The following TMEM132D variants were observed in gnomAD, a reference collection of about 807,000 sequenced individuals.
TMEM132D encodes the protein mature OL transmembrane protein.
In TMEM132D, 21 loss-of-function variants were observed where a neutral mutation model predicts 62.3. The ratio of observed to expected loss-of-function variants is 0.34; its 90% CI spans 0.24 to 0.49. The LOEUF (loss-of-function observed/expected upper bound fraction) is 0.49, where lower values mean the gene tolerates loss of function less well. Among genes scored for constraint, TMEM132D ranks in the 20% least tolerant of loss-of-function variants. The probability of loss-of-function intolerance (pLI) is 0.99; values close to 1 mark genes in which losing one functional copy is unlikely to be tolerated. For missense variants in TMEM132D, 1,346 were observed against 1,402.8 expected (o/e 0.96, Z 0.65); for synonymous variants, 621 against 575.6 (o/e 1.08, Z -1.13).
At chr12:129,231,932 T>C (rs987118568) in intron 4 of TMEM132D, among the ~76,000 whole-genome samples, 6 of 152,222 alleles carry the variant, frequency 3.9e-5, no homozygotes, top group Non-Finnish European at 4.4e-5. Flanking sequence ...TTTCAATGCC[T>C]TGGGCCTGCT....
chr12:129,356,187 C>A (rs1221310424), intron 3 of TMEM132D, among the ~76,000 whole-genome samples: 1 of 18,648 alleles, frequency 5.4e-5, no homozygotes, highest in Non-Finnish European at 1.0e-4. Flanking sequence ...GACGGAGTCT[C>A]GCTCTGTCGC....
intron 4 of TMEM132D, among the ~76,000 whole-genome samples, chr12:129,257,054 C>T (rs1880420078): frequency 6.6e-6 from 1 of 152,158 alleles, no homozygotes; most frequent in Non-Finnish European, 1.5e-5. Context: ...TATATTAGTC[C>T]ACACACAACA....
intron 2 of TMEM132D, among the ~76,000 whole-genome samples, chr12:129,659,075 T>TTG (rs1555224119): frequency 2.6e-5 from 4 of 151,914 alleles, no homozygotes; most frequent in African/African-American, 9.7e-5. Flanking sequence ...TAATTTTTTT[T>TTG]TTGTTGTTTG....
chr12:129,592,207 T>G (rs756804340), intron 2 of TMEM132D, among the ~76,000 whole-genome samples: 1 of 132,658 alleles, frequency 7.5e-6, no homozygotes, highest in Non-Finnish European at 1.6e-5. Context: ...CTGAATATAA[T>G]GTCCATCTGA....
intron 1 of TMEM132D, among the ~76,000 whole-genome samples, chr12:129,887,362 T>C (rs76411018): frequency 0.044 from 6,750 of 152,236 alleles, 475 homozygotes; most frequent in African/African-American, 0.15. Context: ...GGTTTCAAAA[T>C]ATTGACAAGA....
At chr12:129,232,020 C>G (rs1216689929) in intron 4 of TMEM132D, among the ~76,000 whole-genome samples, 1 of 152,158 alleles carries the variant, frequency 6.6e-6, no homozygotes, top group African/African-American at 2.4e-5. Flanking sequence ...GCAGGTAATT[C>G]TCACTCAGTG....
intron 4 of TMEM132D, among the ~76,000 whole-genome samples, chr12:129,283,886 T>A (rs1223425344): frequency 6.6e-6 from 1 of 152,218 alleles, no homozygotes; most frequent in Non-Finnish European, 1.5e-5. Context: ...GGGGAGGAGC[T>A]AACTTCCCCC....
At chr12:129,483,840 G>T (rs1212372239) in intron 3 of TMEM132D, among the ~76,000 whole-genome samples, 1 of 152,180 alleles carries the variant, frequency 6.6e-6, no homozygotes, top group Non-Finnish European at 1.5e-5. Context: ...CTTCCATAGG[G>T]TCATTCTTGA....
Position 129,079,096 on chromosome 12 carries a change from T to A in TMEM132D, c.1924-371A>T, listed in dbSNP as rs565228024. ...ACAGTGTGTATTTTGTTTAAAATTA[T>A]TTATTTTACTTAAATGATTTGTTTT... On this transcript the variant is annotated intron_variant, in intron 7 of 8. Coordinates refer to ENST00000422113, the MANE Select transcript of TMEM132D (RefSeq NM_133448.3). Among the ~76,000 whole-genome samples the A allele has an allele frequency of 3.3e-5, 5 of 152,364 alleles. No homozygotes were observed. The East Asian group carries it at 9.6e-4, about 29-fold the overall frequency.
At chr12:129,299,626 A>C (rs1343641332) in intron 4 of TMEM132D, among the ~76,000 whole-genome samples, 1 of 110,342 alleles carries the variant, frequency 9.1e-6, no homozygotes, top group African/African-American at 4.0e-5. Context: ...TTGAACAATC[A>C]GGTTTTTTTT....
At chr12:129,755,912 C>G (rs148055264) in intron 1 of TMEM132D, among the ~76,000 whole-genome samples, 280 of 152,282 alleles carry the variant, frequency 1.8e-3, no homozygotes, top group African/African-American at 6.4e-3. Context: ...GGAAAATTCC[C>G]CAGTGTAGTT....
In TMEM132D at chr12:129,845,089, G is replaced by A. The variant is rs962140077; in HGVS notation, c.79+58172C>T. Among the ~76,000 whole-genome samples, 4 of 152,166 alleles carry A rather than the reference G, an allele frequency of 2.6e-5. No individual in the cohort carries two copies. The East Asian group carries it at 7.7e-4, about 29-fold the overall frequency. On this transcript the variant is annotated intron_variant, in intron 1 of 8. Transcript: ENST00000422113. ...TTCAAAACGAGAAGTTTACCTTTTGGTGTACAGAGAAACGGTGATTTTATT... is the reference window on the plus strand; with the variant it reads ...TTCAAAACGAGAAGTTTACCTTTTGATGTACAGAGAAACGGTGATTTTATT...
At chr12:129,517,949 C>A (rs12321897) in intron 3 of TMEM132D, among the ~76,000 whole-genome samples, 8,717 of 152,096 alleles carry the variant, frequency 0.057, 415 homozygotes, top group East Asian at 0.16. Flanking sequence ...TAATATACAG[C>A]CTAAGATTAT....
chr12:129,214,574 C>T (rs1879149866), intron 4 of TMEM132D, among the ~76,000 whole-genome samples: 3 of 152,120 alleles, frequency 2.0e-5, no homozygotes, highest in African/African-American at 7.2e-5. Context: ...TTTGGCTGCC[C>T]TTAATCTCTG....
chr12:129,336,751 A>G (rs551523874), intron 4 of TMEM132D, among the ~76,000 whole-genome samples: 8 of 152,292 alleles, frequency 5.3e-5, no homozygotes, highest in African/African-American at 1.9e-4. Flanking sequence ...CACCAGAGGC[A>G]GGAGAAACGC....
intron 2 of TMEM132D, among the ~76,000 whole-genome samples, chr12:129,640,165 C>T (rs1306624565): frequency 6.6e-6 from 1 of 152,136 alleles, no homozygotes; most frequent in Non-Finnish European, 1.5e-5. Context: ...TTCTCCTTCA[C>T]TTGCTTCAGG....
intron 4 of TMEM132D, among the ~76,000 whole-genome samples, chr12:129,267,392 A>C (rs1436692169): frequency 2.0e-5 from 3 of 148,222 alleles, no homozygotes; most frequent in Admixed American, 2.0e-4. Flanking sequence ...CACCAATAAC[A>C]AACAAACAGA....
At chr12:129,079,095 ATTTAT>A (rs749340739) in intron 7 of TMEM132D, among the ~76,000 whole-genome samples, 1 of 152,166 alleles carries the variant, frequency 6.6e-6, no homozygotes, top group African/African-American at 2.4e-5. Context: ...GTTTAAAATT[ATTTAT>A]TTTACTTAAA....
intron 1 of TMEM132D, among the ~76,000 whole-genome samples, chr12:129,756,843 C>T (rs1303074368): frequency 6.6e-6 from 1 of 152,214 alleles, no homozygotes; most frequent in East Asian, 1.9e-4. Context: ...TCCAGCATTC[C>T]GCTTTCTGCA....
Sources: allele counts gnomAD v4.1 joint callset (sites outside exome capture counted in the v4.1 genomes callset), GRCh38; gene constraint gnomAD v4.1.1; transcripts MANE v1.5; gene names NCBI Gene and HGNC (gene_info 2026-07-23, HGNC 2026-07-21).